The following ZDHHC20 variants were observed in gnomAD, a reference collection of about 807,000 sequenced individuals.
The protein encoded by ZDHHC20 is palmitoyltransferase ZDHHC20.
Under a neutral mutation model 57.8 loss-of-function variants are expected in ZDHHC20, and 43 were observed. The observed-to-expected ratio is 0.74, with a 90% CI of 0.58 to 0.96. The LOEUF (loss-of-function observed/expected upper bound fraction) is 0.96, where lower values mean the gene tolerates loss of function less well. Among genes scored for constraint, ZDHHC20 ranks in the 40% least tolerant of loss-of-function variants. ZDHHC20 has a pLI of 0.00. For missense variants in ZDHHC20, 391 were observed against 441.1 expected (o/e 0.89, Z 1.02); for synonymous variants, 157 against 153.0 (o/e 1.03, Z -0.19).
chr13:21,385,092 G>T (rs1028055969), intron 9 of ZDHHC20, among the ~76,000 whole-genome samples: 1 of 151,646 alleles, frequency 6.6e-6, no homozygotes, highest in Non-Finnish European at 1.5e-5. Context: ...AAAGAGAAAC[G>T]TAAGATATAA....
intron 1 of ZDHHC20, among the ~76,000 whole-genome samples, chr13:21,455,061 C>G (rs1249509250): frequency 6.6e-6 from 1 of 152,162 alleles, no homozygotes; most frequent in African/African-American, 2.4e-5. Context: ...GCTGGGACTA[C>G]AGGCACCCGC....
At chr13:21,429,509 CT>C (rs1881672201) in intron 1 of ZDHHC20, among the ~76,000 whole-genome samples, 1 of 152,068 alleles carries the variant, frequency 6.6e-6, no homozygotes, top group Admixed American at 6.6e-5. Flanking sequence ...GTAAAGTGTC[CT>C]CACTGTTTTC....
intron 1 of ZDHHC20, 21 bp from the exon 2 acceptor site, chr13:21,425,699 G>T: frequency 8.9e-7 from 1 of 1,128,096 alleles, no homozygotes; most frequent in Non-Finnish European, 1.2e-6. Flanking sequence ...AGAAAAAATA[G>T]TGAATAAATA....
At chr13:21,444,651 A>C (rs1052760625) in intron 1 of ZDHHC20, among the ~76,000 whole-genome samples, 4 of 152,306 alleles carry the variant, frequency 2.6e-5, no homozygotes, top group African/African-American at 9.6e-5. Flanking sequence ...ACAGCCAGTA[A>C]ATCAGCCTTC....
At chr13:21,380,115 T>C (rs1488193591) in intron 11 of ZDHHC20, among the ~76,000 whole-genome samples, 2 of 138,756 alleles carry the variant, frequency 1.4e-5, no homozygotes, top group Admixed American at 7.2e-5. Flanking sequence ...GTGCCCAGCC[T>C]TTTTTTCCTT....
intron 5 of ZDHHC20, among the ~76,000 whole-genome samples, chr13:21,402,315 A>AT (rs1376414311): frequency 1.3e-5 from 2 of 152,166 alleles, no homozygotes; most frequent in African/African-American, 4.8e-5. Context: ...TATTTTTGTA[A>AT]TAAAAAAAAC....
chr13:21,386,940 C>G (rs777065047), intron 9 of ZDHHC20, among the ~76,000 whole-genome samples: 3 of 152,164 alleles, frequency 2.0e-5, no homozygotes, highest in Admixed American at 1.3e-4. Flanking sequence ...TTCAGTTAAT[C>G]TAGGGAAAAA....
At chr13:21,430,624 T>C (rs1881803472) in intron 1 of ZDHHC20, among the ~76,000 whole-genome samples, 1 of 151,942 alleles carries the variant, frequency 6.6e-6, no homozygotes, top group Non-Finnish European at 1.5e-5. Flanking sequence ...TTGGCTAGAG[T>C]AGGGCAGTTA....
intron 1 of ZDHHC20, among the ~76,000 whole-genome samples, chr13:21,438,654 A>G (rs905555608): frequency 6.6e-6 from 1 of 152,262 alleles, no homozygotes; most frequent in African/African-American, 2.4e-5. Context: ...AGAATATTAC[A>G]TAAACTTAGT....
At chr13:21,429,156 T>C (rs1158599694) in intron 1 of ZDHHC20, among the ~76,000 whole-genome samples, 1 of 152,192 alleles carries the variant, frequency 6.6e-6, no homozygotes, top group South Asian at 2.1e-4. Context: ...TTGTATCTAC[T>C]ATGGCTATGG....
In ZDHHC20 at chr13:21,413,644, T is replaced by C; in HGVS notation, c.370+8A>G. ...CATTTGAAAAGGAAAACTTATTCTT[T>C]TTCTTACTTTTTGAAGCTGATGTGG... On this transcript the variant is annotated splice_region_variant and intron_variant, in intron 4 of 12. Transcript: ENST00000400590. 6.3e-7 allele frequency: 1 copy of C among 1,578,032 alleles called. No homozygotes were observed. Among genetic ancestry groups the C allele is most frequent in the African/African-American group, 1.4e-5 (1 of 73,374 alleles).
chr13:21,382,851 G>A, intron 10 of ZDHHC20, 69 bp downstream of exon 10: 1 of 1,269,136 alleles, frequency 7.9e-7, no homozygotes, highest in Non-Finnish European at 1.1e-6. Flanking sequence ...CTCATAAGAT[G>A]TACACACAAC....
At chr13:21,448,307 C>T (rs1177871565) in intron 1 of ZDHHC20, among the ~76,000 whole-genome samples, 37 of 97,274 alleles carry the variant, frequency 3.8e-4, no homozygotes, top group African/African-American at 1.1e-3. Flanking sequence ...CCGCCCCGTC[C>T]GGGAGGGAGG....
intron 7 of ZDHHC20, among the ~76,000 whole-genome samples, chr13:21,396,108 T>C (rs1205556220): frequency 6.6e-6 from 1 of 152,084 alleles, no homozygotes. Context: ...ATCCAAAATC[T>C]GCTTACCCTG....
At chr13:21,429,562 T>C (rs1222727838) in intron 1 of ZDHHC20, among the ~76,000 whole-genome samples, 1 of 152,238 alleles carries the variant, frequency 6.6e-6, no homozygotes, top group African/African-American at 2.4e-5. Flanking sequence ...TTATAATGTA[T>C]GTTGGAGTGG....
At chr13:21,432,578 T>C (rs1882097383) in intron 1 of ZDHHC20, among the ~76,000 whole-genome samples, 1 of 152,190 alleles carries the variant, frequency 6.6e-6, no homozygotes, top group Non-Finnish European at 1.5e-5. Flanking sequence ...GTGATCCACC[T>C]GCCTCGGCCT....
intron 9 of ZDHHC20, among the ~76,000 whole-genome samples, chr13:21,383,418 T>C (rs1265149868): frequency 1.3e-5 from 2 of 152,252 alleles, no homozygotes; most frequent in Non-Finnish European, 2.9e-5. Flanking sequence ...ACTATGATAG[T>C]GAGGCCTCCT....
chr13:21,455,045 C>T (rs1340016067), intron 1 of ZDHHC20, among the ~76,000 whole-genome samples: 16 of 152,198 alleles, frequency 1.1e-4, no homozygotes, highest in Admixed American at 3.9e-4. Flanking sequence ...CTCAGCCTCC[C>T]GAGTAGCTGG....
At position 21,410,392 on chromosome 13, in the gene ZDHHC20, G is replaced by A. The variant is rs1879042281; in HGVS notation, c.370+3260C>T. On this transcript the variant is annotated intron_variant, in intron 4 of 12. Transcript: ENST00000400590. ...CTTAGCAGAGCTCGAGTACTGTGCT[G>A]GGTGATCAGCTGCTCTCTTCAGAGC... Among the ~76,000 whole-genome samples, 5 of 152,342 alleles carry A rather than the reference G, an allele frequency of 3.3e-5. No homozygotes were observed. In the South Asian group the frequency reaches 1.0e-3, roughly 32 times the overall value.
Sources: allele counts gnomAD v4.1 joint callset (sites outside exome capture counted in the v4.1 genomes callset), GRCh38; gene constraint gnomAD v4.1.1; transcripts MANE v1.5; gene names NCBI Gene and HGNC (gene_info 2026-07-23, HGNC 2026-07-21).